PRMT3: variants seen among roughly 807,000 people sequenced by gnomAD.
PRMT3 encodes the protein protein arginine N-methyltransferase 3.
In PRMT3, 62 loss-of-function variants were observed where a neutral mutation model predicts 71.9. The ratio of observed to expected loss-of-function variants is 0.86; its 90% CI spans 0.70 to 1.07. The LOEUF is 1.07. Among genes scored for constraint, PRMT3 ranks in the 50% least tolerant of loss-of-function variants. The pLI, the probability that PRMT3 is intolerant of heterozygous loss-of-function variation, is 0.00. For missense variants in PRMT3, 663 were observed against 643.0 expected, an observed-to-expected ratio of 1.03 and a Z score of -0.34; for synonymous variants, 213 against 220.4, an observed-to-expected ratio of 0.97 and a Z score of 0.30.
chr11:20,411,870 G>T (rs1849200825), intron 9 of PRMT3, among the ~76,000 whole-genome samples: 3 of 152,162 alleles, frequency 2.0e-5, no homozygotes. Flanking sequence ...CAGGTTCACA[G>T]TTGATTCAGA....
At chr11:20,397,280 A>G (rs925915394) in intron 6 of PRMT3, among the ~76,000 whole-genome samples, 1 of 152,248 alleles carries the variant, frequency 6.6e-6, no homozygotes, top group Non-Finnish European at 1.5e-5. Flanking sequence ...AAACAATAGA[A>G]ATAATAGAGG....
intron 10 of PRMT3, among the ~76,000 whole-genome samples, chr11:20,429,493 G>A (rs944939390): frequency 2.0e-5 from 3 of 152,156 alleles, no homozygotes; most frequent in African/African-American, 7.2e-5. Flanking sequence ...CGTTGGTCAG[G>A]TAAGACCTCT....
At chr11:20,435,978 T>C (rs1325905324) in intron 10 of PRMT3, among the ~76,000 whole-genome samples, 1 of 152,256 alleles carries the variant, frequency 6.6e-6, no homozygotes, top group African/African-American at 2.4e-5. Context: ...ATTTTTGGTG[T>C]GTTCCCTTCA....
intron 13 of PRMT3, among the ~76,000 whole-genome samples, chr11:20,467,632 G>A (rs1369036019): frequency 1.3e-5 from 2 of 152,044 alleles, no homozygotes; most frequent in Admixed American, 6.5e-5. Context: ...CTTCTTAAGA[G>A]ACAGGCCTCA....
chr11:20,476,213 C>T (rs1208640964), intron 13 of PRMT3, among the ~76,000 whole-genome samples: 2 of 151,598 alleles, frequency 1.3e-5, no homozygotes, highest in African/African-American at 4.8e-5. Flanking sequence ...ATTAGCCAGG[C>T]GTGATGGCAG....
intron 10 of PRMT3, among the ~76,000 whole-genome samples, chr11:20,430,716 A>G (rs767073230): frequency 1.4e-4 from 22 of 152,290 alleles, no homozygotes; most frequent in Non-Finnish European, 2.6e-4. Context: ...GTCTTTCTGT[A>G]TGTAATAAGA....
intron 13 of PRMT3, among the ~76,000 whole-genome samples, chr11:20,473,751 TCTCAGCCCAGTTCTGCAGC>T (rs370573731): frequency 1.5e-3 from 234 of 152,264 alleles, no homozygotes; most frequent in African/African-American, 5.2e-3. Context: ...AATTCAGCCA[TCTCAGCCCAGTTCTGCAGC>T]CTCAGCCCAG....
intron 13 of PRMT3, among the ~76,000 whole-genome samples, chr11:20,490,914 C>G (rs193072500): frequency 4.6e-5 from 7 of 152,188 alleles, no homozygotes; most frequent in Admixed American, 3.9e-4. Context: ...CTTGAAAATG[C>G]CTTCATTCAT....
chr11:20,435,707 CT>C (rs1056495998), intron 10 of PRMT3, among the ~76,000 whole-genome samples: 1 of 152,136 alleles, frequency 6.6e-6, no homozygotes, highest in Non-Finnish European at 1.5e-5. Context: ...TATGTGTCTG[CT>C]TTTATGCCAA....
At chr11:20,447,066 A>G (rs1248835870) in intron 10 of PRMT3, among the ~76,000 whole-genome samples, 1 of 152,184 alleles carries the variant, frequency 6.6e-6, no homozygotes, top group Non-Finnish European at 1.5e-5. Flanking sequence ...ATCATTGAAA[A>G]AACTTTGCAG....
intron 9 of PRMT3, among the ~76,000 whole-genome samples, chr11:20,417,432 A>G (rs999327556): frequency 2.6e-5 from 4 of 152,142 alleles, no homozygotes; most frequent in African/African-American, 9.7e-5. Flanking sequence ...TTTATCACTA[A>G]CTTTAAATGC....
At chr11:20,503,813 CA>C (rs1469810037) in intron 15 of PRMT3, among the ~76,000 whole-genome samples, 1 of 152,112 alleles carries the variant, frequency 6.6e-6, no homozygotes, top group African/African-American at 2.4e-5. Context: ...TTGGTGCAGA[CA>C]GATGTTTTCA....
intron 10 of PRMT3, among the ~76,000 whole-genome samples, chr11:20,433,772 C>T (rs1361709776): frequency 6.6e-6 from 1 of 152,040 alleles, no homozygotes; most frequent in Non-Finnish European, 1.5e-5. Flanking sequence ...AGACATGTAC[C>T]GCCGTGCTGG....
intron 13 of PRMT3, among the ~76,000 whole-genome samples, chr11:20,466,575 A>G (rs990257110): frequency 2.0e-5 from 3 of 152,130 alleles, no homozygotes; most frequent in African/African-American, 7.2e-5. Context: ...AGTTTTAGCT[A>G]CAGTTTTATA....
chr11:20,470,471 T>G (rs774339747), intron 13 of PRMT3, among the ~76,000 whole-genome samples: 11 of 152,126 alleles, frequency 7.2e-5, no homozygotes, highest in East Asian at 1.9e-4. Flanking sequence ...CACTTATAAG[T>G]GAGAACATGT....
intron 9 of PRMT3, among the ~76,000 whole-genome samples, chr11:20,419,333 T>G (rs1730402906): frequency 6.6e-6 from 1 of 152,218 alleles, no homozygotes; most frequent in African/African-American, 2.4e-5. Flanking sequence ...TGCCTTTTGC[T>G]CAGGTTTCTT....
At chr11:20,474,183 AAAG>A (rs779833764) in intron 13 of PRMT3, among the ~76,000 whole-genome samples, 38 of 152,310 alleles carry the variant, frequency 2.5e-4, no homozygotes, top group South Asian at 1.2e-3. Flanking sequence ...GGATCCGCTT[AAAG>A]AAGGAGTCTG....
In PRMT3 at chr11:20,494,236, C is replaced by A. The variant is rs1465915323; in HGVS notation, c.1468C>A (p.Pro490Thr). ...WKQTVFLLEK[P>T]FSVKAGEALK... ...ACAAACAGTATTTCTACTGGAAAAA[C>A]CATTTTCAGTTAAAGCAGGTGAGAA... Residue 490 changes from proline to threonine, a missense_variant, in exon 15 of 16, where the codon CCA becomes ACA. Coordinates refer to ENST00000331079, the MANE Select transcript of PRMT3 (RefSeq NM_005788.4). 26 of 1,602,360 alleles carry A rather than the reference C, an allele frequency of 1.6e-5. No homozygotes were observed. The highest frequency in any genetic ancestry group is 2.1e-5 in the Non-Finnish European group (25 of 1,169,632).
chr11:20,463,577 T>C, intron 12 of PRMT3, among the ~76,000 whole-genome samples: 1 of 133,502 alleles, frequency 7.5e-6, no homozygotes, highest in East Asian at 2.0e-4. Context: ...ATGTACTCTT[T>C]TTTTTTTTTT....
Sources: allele counts gnomAD v4.1 joint callset (sites outside exome capture counted in the v4.1 genomes callset), GRCh38; gene constraint gnomAD v4.1.1; transcripts MANE v1.5; gene names NCBI Gene and HGNC (gene_info 2026-07-23, HGNC 2026-07-21).